TMEM131L: variants seen among roughly 807,000 people sequenced by gnomAD.
TMEM131L encodes the protein transmembrane protein 131-like.
In TMEM131L, 54 loss-of-function variants were observed where a neutral mutation model predicts 192.2. The ratio of observed to expected loss-of-function variants is 0.28; its 90% CI spans 0.23 to 0.35. The LOEUF (loss-of-function observed/expected upper bound fraction) is 0.35. Among genes scored for constraint, TMEM131L ranks in the 10% least tolerant of loss-of-function variants. The pLI, the probability that TMEM131L is intolerant of heterozygous loss-of-function variation, is 1.00. For missense variants in TMEM131L, 1,888 were observed against 1,972.9 expected, an observed-to-expected ratio of 0.96 and a Z score of 0.82; for synonymous variants, 701 against 704.9, an observed-to-expected ratio of 0.99 and a Z score of 0.09.
chr4:153,473,706 T>G, intron 2 of TMEM131L, 139 bp from the exon 3 acceptor site: 1 of 586,312 alleles, frequency 1.7e-6, no homozygotes, highest in East Asian at 3.7e-5. Context: ...GCAGGAGAAT[T>G]GCTTGAACCC....
intron 25 of TMEM131L, among the ~76,000 whole-genome samples, chr4:153,609,108 T>C (rs1315087049): frequency 2.6e-5 from 4 of 152,206 alleles, no homozygotes; most frequent in Non-Finnish European, 5.9e-5. Context: ...TGTATTAGGC[T>C]GTTTTTCACT....
chr4:153,578,363 A>AT (rs1055197371), intron 7 of TMEM131L, among the ~76,000 whole-genome samples: 21 of 150,246 alleles, frequency 1.4e-4, no homozygotes, highest in Admixed American at 8.0e-4. Context: ...CAAGTATTTT[A>AT]TTTTTTTTTG....
chr4:153,594,000 G>A, intron 19 of TMEM131L, 129 bp downstream of exon 19: 1 of 663,660 alleles, frequency 1.5e-6, no homozygotes, highest in Non-Finnish European at 2.7e-6. Flanking sequence ...TGATTCTCTG[G>A]GCATTAACGA....
intron 7 of TMEM131L, among the ~76,000 whole-genome samples, chr4:153,561,183 C>G (rs1029439177): frequency 7.9e-5 from 12 of 152,130 alleles, no homozygotes; most frequent in African/African-American, 2.9e-4. Flanking sequence ...TGTATATCGT[C>G]TTTGGGGAAG....
At chr4:153,498,207 G>A (rs943986150) in intron 3 of TMEM131L, among the ~76,000 whole-genome samples, 1 of 152,190 alleles carries the variant, frequency 6.6e-6, no homozygotes, top group Non-Finnish European at 1.5e-5. Context: ...ACAGAGCCAG[G>A]GGTTTGGGGG....
chr4:153,602,088 TA>T, intron 21 of TMEM131L, 63 bp from the exon 22 acceptor site: 7 of 989,784 alleles, frequency 7.1e-6, no homozygotes, highest in Non-Finnish European at 1.0e-5. Context: ...ATCGATCCAA[TA>T]AATTATTTTA....
At chr4:153,474,596 A>G (rs966930328) in intron 3 of TMEM131L, among the ~76,000 whole-genome samples, 16 of 152,156 alleles carry the variant, frequency 1.1e-4, no homozygotes, top group Admixed American at 9.8e-4. Context: ...AATTTTAACC[A>G]GGGGACTGGA....
chr4:153,609,549 A>AT (rs1432325344), intron 25 of TMEM131L, among the ~76,000 whole-genome samples: 2 of 152,180 alleles, frequency 1.3e-5, no homozygotes, highest in Non-Finnish European at 2.9e-5. Flanking sequence ...TCATGTTAGA[A>AT]TTTCTCAGAG....
intron 7 of TMEM131L, among the ~76,000 whole-genome samples, chr4:153,561,430 A>G (rs1728839901): frequency 1.3e-5 from 2 of 152,138 alleles, no homozygotes; most frequent in Admixed American, 1.3e-4. Context: ...TGATTTTAAT[A>G]TTATATCTAA....
At chr4:153,511,323 C>T (rs1734341899) in intron 3 of TMEM131L, among the ~76,000 whole-genome samples, 1 of 152,172 alleles carries the variant, frequency 6.6e-6, no homozygotes, top group Non-Finnish European at 1.5e-5. Flanking sequence ...GAGATCATGT[C>T]CTTTGCGGGA....
chr4:153,466,569 G>A (rs1373010671), intron 1 of TMEM131L, 48 bp downstream of exon 1: 9 of 1,271,310 alleles, frequency 7.1e-6, no homozygotes, highest in South Asian at 2.5e-5. Flanking sequence ...CCCCGCCCCC[G>A]CTCTTTCTTT....
chr4:153,522,554 GA>G (rs1195846139), intron 3 of TMEM131L, among the ~76,000 whole-genome samples: 1 of 152,162 alleles, frequency 6.6e-6, no homozygotes, highest in Non-Finnish European at 1.5e-5. Context: ...ATTTCTGCCA[GA>G]ACGCTTTGGT....
chr4:153,633,481 G>T (rs1734364317), intron 32 of TMEM131L: 1 of 143,978 alleles, frequency 6.9e-6, no homozygotes, highest in African/African-American at 2.6e-5. Context: ...CTCCTGCCTT[G>T]ACCTCCCGAA....
intron 26 of TMEM131L, among the ~76,000 whole-genome samples, 169 bp downstream of exon 26, chr4:153,612,569 C>T (rs1357869116): frequency 1.3e-5 from 2 of 152,154 alleles, no homozygotes; most frequent in Non-Finnish European, 2.9e-5. Flanking sequence ...ATTATATAGA[C>T]GTTACTACAG....
intron 3 of TMEM131L, among the ~76,000 whole-genome samples, chr4:153,498,963 T>C (rs904501434): frequency 6.6e-5 from 10 of 152,382 alleles, no homozygotes; most frequent in African/African-American, 2.4e-4. Flanking sequence ...ATTTGGGGTA[T>C]GTAAGCCTGG....
chr4:153,565,894 T>G (rs1729154436), intron 7 of TMEM131L, among the ~76,000 whole-genome samples: 1 of 152,166 alleles, frequency 6.6e-6, no homozygotes, highest in Admixed American at 6.5e-5. Flanking sequence ...GCAAGAAATT[T>G]TATTATTTAA....
intron 3 of TMEM131L, among the ~76,000 whole-genome samples, chr4:153,474,208 A>T (rs1330490868): frequency 6.6e-6 from 1 of 152,248 alleles, no homozygotes; most frequent in Non-Finnish European, 1.5e-5. Context: ...GCTGAACATG[A>T]AACACAAACA....
chr4:153,586,763 T>C (rs1439755435), intron 14 of TMEM131L, among the ~76,000 whole-genome samples: 2 of 152,218 alleles, frequency 1.3e-5, no homozygotes, highest in African/African-American at 4.8e-5. Context: ...TTTATTTGGA[T>C]CTCTTCTAAG....
In TMEM131L at chr4:153,604,138, C is replaced by A. The variant is rs764775602; in HGVS notation, c.3126C>A (p.Asn1042Lys). 6.2e-7 allele frequency: 1 copy of A among 1,614,142 alleles called. No homozygotes were observed. Among genetic ancestry groups the A allele is most frequent in the East Asian group, 2.2e-5 (1 of 44,884 alleles). The change falls in exon 25 of 35, where the codon AAC becomes AAA. Residue 1042 changes from asparagine to lysine, a missense_variant. Physicochemically the swap from Asn to Lys is moderately conservative, Grantham distance 94. Transcript: ENST00000409959. ...SLRYASGINV[N>K]LQKNLTLPKN... ...GATATGCAAGTGGCATAAATGTCAA[C>A]CTGCAGAAGAATTTAACCCTTCCCA... is the stretch of plus-strand genomic sequence containing the variant.
Sources: gnomAD v4.1 joint callset for allele counts (sites outside exome capture counted in the v4.1 genomes callset) on GRCh38, gnomAD v4.1.1 for gene constraint, MANE v1.5 for transcripts, NCBI Gene and HGNC (gene_info 2026-07-23, HGNC 2026-07-21) for gene names.